The following KIF7 variants were observed in gnomAD, a reference collection of about 807,000 sequenced individuals.
KIF7 encodes the protein kinesin-like protein KIF7.
KIF7 carries 104 observed loss-of-function variants against 135.7 expected under a neutral mutation model. That is an observed-to-expected ratio of 0.77 (90% CI 0.65 to 0.90). KIF7 has a LOEUF of 0.90. Among genes scored for constraint, KIF7 ranks in the 40% least tolerant of loss-of-function variants. The pLI, the probability that KIF7 is intolerant of heterozygous loss-of-function variation, is 0.00. For synonymous variants in KIF7, 883 were observed against 809.4 expected, an observed-to-expected ratio of 1.09 and a Z score of -1.54; for missense variants, 2,005 against 1,839.1, an observed-to-expected ratio of 1.09 and a Z score of -1.65.
At chr15:89,645,207 G>C in intron 9 of KIF7, 42 bp from the exon 10 acceptor site, 1 of 1,606,200 alleles carries the variant, frequency 6.2e-7, no homozygotes, top group Non-Finnish European at 8.5e-7. Flanking sequence ...CCAACTGACA[G>C]TGGGGGAGAC....
upstream of KIF7, among the ~76,000 whole-genome samples, chr15:89,660,134 G>T (rs908440528): frequency 6.6e-6 from 1 of 152,182 alleles, no homozygotes; most frequent in Non-Finnish European, 1.5e-5. Context: ...GGAGGTGGGG[G>T]TTGAAGTGAG....
In KIF7 at chr15:89,632,838, C is replaced by G; in HGVS notation, c.2877G>C (p.Lys959Asn). Residue 959 changes from lysine (K) to asparagine (N), a missense_variant, in exon 14 of 19, where the codon AAG (lysine) becomes AAC (asparagine). Physicochemically the swap from Lys to Asn is moderately conservative, Grantham distance 94. Transcript: ENST00000394412. ...LMQEKTGLES[K>N]RLRSSQALNE... The stretch of plus-strand genomic sequence containing the variant: ...GCCTCACCTGGCTGGATCTCAGGCG[C>G]TTGCTCTCCAGCCCCGTCTTCTCCT... 6.2e-7 allele frequency: 1 copy of G among 1,607,416 alleles called. No homozygotes were observed. Among genetic ancestry groups the G allele is most frequent in the Non-Finnish European group, 8.5e-7 (1 of 1,179,750 alleles).
At position 89,631,715 on chromosome 15, in the gene KIF7, G is replaced by T; in HGVS notation, c.2896-5C>A. 6.5e-7 allele frequency: 1 copy of T among 1,549,642 alleles called. No individual in the cohort carries two copies. The highest frequency in any genetic ancestry group is 8.7e-7 in the Non-Finnish European group (1 of 1,145,464). ...CACGATGTCCTCGTTGAGGGCCTGGGGGCAGAATCACCAGGGATTAGAGAA... is the reference window on the plus strand; with the variant it reads ...CACGATGTCCTCGTTGAGGGCCTGGTGGCAGAATCACCAGGGATTAGAGAA... On this transcript the variant is annotated splice_polypyrimidine_tract_variant and splice_region_variant and intron_variant, in intron 14 of 18. Coordinates refer to ENST00000394412, the MANE Select transcript of KIF7 (RefSeq NM_198525.3).
chr15:89,629,265 C>T, intron 17 of KIF7, 110 bp downstream of exon 17: 1 of 974,382 alleles, frequency 1.0e-6, no homozygotes, highest in Non-Finnish European at 1.4e-6. Context: ...GGTGCAGGGG[C>T]TGTGAGTGGC....
chr15:89,652,727 C>G lies in KIF7; in HGVS notation c.204G>C (p.Glu68Asp). Residue 68 changes from glutamate to aspartate, a missense_variant, in exon 2 of 19, where the codon GAG becomes GAC. Physicochemically the swap from Glu to Asp is conservative, Grantham distance 45. Coordinates refer to ENST00000394412, the MANE Select transcript of KIF7 (RefSeq NM_198525.3). The part of the protein sequence containing the change: ...HVVLAEDAGQ[E>D]AVYQACVQPL... The stretch of plus-strand genomic sequence containing the variant: ...GCTGAACGCAGGCCTGGTACACGGC[C>G]TCCTGCCCCGCATCCTCGGCCAGCA... 1 of 1,551,768 alleles carries G rather than the reference C, an allele frequency of 6.4e-7. No homozygotes were observed. Among genetic ancestry groups the G allele is most frequent in the South Asian group, 1.2e-5 (1 of 84,064 alleles).
Position 89,629,383 on chromosome 15 carries a change from T to G in KIF7, c.3509A>C (p.Gln1170Pro). The change falls in exon 17 of 19, where the codon CAG becomes CCG. Residue 1170 changes from glutamine (Q) to proline (P), a missense_variant. Transcript: ENST00000394412. ...HEQNMQLLLQ[Q>P]SRDHLGEGLA... is the part of the protein sequence containing the mutation. ...TGGGCCGGGCTGCTCACCTCGACTC[T>G]GCTGCAGGAGCAGCTGCATGTTCTG... The G allele has an allele frequency of 6.3e-7, 1 of 1,596,978 alleles. No homozygotes were observed.
At chr15:89,617,678 C>T (rs948835857) in intron 2 of KIF7, among the ~76,000 whole-genome samples, 2 of 147,876 alleles carry the variant, frequency 1.4e-5, no homozygotes, top group Non-Finnish European at 3.0e-5. Flanking sequence ...TGTGCCACTG[C>T]ACCCAGCTAT....
In KIF7 at chr15:89,630,503, C is replaced by CCG; in HGVS notation, c.3112-11_3112-10insCG. The CCG allele has an allele frequency of 6.5e-7, 1 of 1,549,004 alleles. No individual in the cohort carries two copies. ...ACAGCGTCCGCTCCTCCTGCAGAGA[C>CCG]GGGCACGCGTGGAGGAACAGCACCC... is the stretch of plus-strand genomic sequence containing the variant. On this transcript the variant is annotated splice_polypyrimidine_tract_variant and intron_variant, in intron 15 of 18. Coordinates refer to ENST00000394412, the MANE Select transcript of KIF7 (RefSeq NM_198525.3).
rs778515321 is a variant in KIF7 at position 89,629,048 on chromosome 15, C to G, written c.3592G>C (p.Gly1198Arg). ...ARIQALEKEL[G>R]RYMWINQELK... ...TCCTGGTTTATCCACATGTAACGGC[C>G]CAGTTCCTTCTCCAGAGCTTGAATC... Residue 1198 changes from glycine to arginine, a missense_variant, in exon 18 of 19, where the codon GGC (glycine) becomes CGC (arginine). Transcript: ENST00000394412. The G allele has an allele frequency of 7.4e-6, 12 of 1,613,420 alleles. No homozygotes were observed. The highest frequency in any genetic ancestry group is 6.7e-5 in the Admixed American group (4 of 59,876).
At position 89,650,068 on chromosome 15, in the gene KIF7, G is replaced by A. The variant is rs1228111461; in HGVS notation, c.329-127C>T. 2.0e-5 allele frequency: 20 copies of A among 984,402 alleles called. 1 individual carries two copies. The highest frequency in any genetic ancestry group is 2.5e-4 in the Middle Eastern group (1 of 3,986). The allele number at this position is 984,402 out of a possible 1,614,324, so 61.0% of individuals were successfully genotyped here. On this transcript the variant is annotated intron_variant, in intron 2 of 18. Coordinates refer to ENST00000394412, the MANE Select transcript of KIF7 (RefSeq NM_198525.3). Reference sequence around the variant, plus strand: ...CTCTAGGATGGAGAAGGCAGTGGCCGAGGCCAGGATGGGACAGGTGGCCTG... The same window carrying A: ...CTCTAGGATGGAGAAGGCAGTGGCCAAGGCCAGGATGGGACAGGTGGCCTG...
chr15:89,658,108 T>C (rs930151555), upstream of KIF7, among the ~76,000 whole-genome samples: 1 of 152,192 alleles, frequency 6.6e-6, no homozygotes, highest in African/African-American at 2.4e-5. Flanking sequence ...AGTTTCCAGC[T>C]GACATTCGAG....
At chr15:89,632,375 G>A (rs1963698734) in intron 14 of KIF7, among the ~76,000 whole-genome samples, 1 of 152,222 alleles carries the variant, frequency 6.6e-6, no homozygotes, top group South Asian at 2.1e-4. Context: ...AGGCGGAGAA[G>A]TCTCTTTCTA....
chr15:89,625,395 C>T (rs776403508), downstream of KIF7: 19 of 1,613,876 alleles, frequency 1.2e-5, no homozygotes, highest in East Asian at 4.5e-5. Flanking sequence ...TGGGCTGTGG[C>T]GCCGGCTCCT....
chr15:89,621,982 CTTT>C (rs34123859), intron 1 of KIF7, among the ~76,000 whole-genome samples: 12 of 87,776 alleles, frequency 1.4e-4, no homozygotes, highest in African/African-American at 1.9e-4. Context: ...CAAACTGACT[CTTT>C]TTTTTTTTTT....
At position 89,640,287 on chromosome 15, in the gene KIF7, TATA is replaced by T. The variant is rs1050251490; in HGVS notation, c.2394+1913_2394+1915del. ...TGCACATGTACCCTAAAACTTAAAGTATAATAATAATAAATTAAAAATAATAAT... is the reference window on the plus strand; with the variant it reads ...TGCACATGTACCCTAAAACTTAAAGTATAATAATAAATTAAAAATAATAAT... On this transcript the variant is annotated intron_variant, in intron 11 of 18. Coordinates refer to ENST00000394412, the MANE Select transcript of KIF7 (RefSeq NM_198525.3). Among the ~76,000 whole-genome samples the T allele has an allele frequency of 1.1e-3, 145 of 129,740 alleles. No homozygotes were observed. In the Middle Eastern group the frequency reaches 0.012, roughly 11 times the overall value. The allele number at this position is 129,740 out of a possible 152,430, so 85.1% of individuals were successfully genotyped here. A position where few individuals can be genotyped will look rare whatever the true frequency, so the allele number is the denominator to read the frequency against.
chr15:89,657,773 T>A (rs543223372), upstream of KIF7, among the ~76,000 whole-genome samples: 35 of 152,340 alleles, frequency 2.3e-4, no homozygotes, highest in African/African-American at 7.9e-4. Flanking sequence ...ATAATTATAG[T>A]TACTTGAAAC....
rs140680470 is a variant in KIF7 at position 89,631,617 on chromosome 15, C to T, written c.2989G>A (p.Ala997Thr). The T allele has an allele frequency of 3.2e-6, 5 of 1,560,820 alleles. No individual in the cohort carries two copies. The highest frequency in any genetic ancestry group is 1.4e-5 in the African/African-American group (1 of 73,432). ...CCGCGGATCTGCTGCTGGCTCTGGG[C>T]GCTGCCCTGCCGCAGCTGCCCGCTC... ...EKSGQLRQGS[A>T]QSQQQIRGEI... is the part of the protein sequence containing the mutation. Residue 997 changes from alanine (A) to threonine (T), a missense_variant, in exon 15 of 19, where the codon GCC (alanine) becomes ACC (threonine). Coordinates refer to ENST00000394412, the MANE Select transcript of KIF7 (RefSeq NM_198525.3).
intron 7 of KIF7, among the ~76,000 whole-genome samples, chr15:89,646,231 G>A (rs756829173): frequency 3.3e-5 from 5 of 151,984 alleles, no homozygotes; most frequent in Non-Finnish European, 7.4e-5. Flanking sequence ...TGGCTCCCAT[G>A]ATACCTGGTA....
intron 11 of KIF7, among the ~76,000 whole-genome samples, chr15:89,641,229 C>A (rs144110580): frequency 1.4e-3 from 207 of 152,014 alleles, no homozygotes; most frequent in African/African-American, 4.6e-3. Flanking sequence ...GGGCTACAAG[C>A]AGGGGAAAGG....
Sources: gnomAD v4.1 joint callset for allele counts (sites outside exome capture counted in the v4.1 genomes callset) on GRCh38, gnomAD v4.1.1 for gene constraint, MANE v1.5 for transcripts, NCBI Gene and HGNC (gene_info 2026-07-23, HGNC 2026-07-21) for gene names.